Variants in MATN2 observed in about 807,000 individuals in gnomAD.
The protein encoded by MATN2 is matrilin 2.
In MATN2, 69 loss-of-function variants were observed where a neutral mutation model predicts 103.2. The ratio of observed to expected loss-of-function variants is 0.67; its 90% CI spans 0.55 to 0.82. The LOEUF is 0.82. MATN2 is among the 40% of genes least tolerant of loss of function. The probability of loss-of-function intolerance (pLI) is 0.00; values close to 1 mark genes in which losing one functional copy is unlikely to be tolerated. For synonymous variants in MATN2, 429 were observed against 450.2 expected, an observed-to-expected ratio of 0.95 and a Z score of 0.60; for missense variants, 1,023 against 1,211.5, an observed-to-expected ratio of 0.84 and a Z score of 2.31.
chr8:97,900,769 G>A (rs1818952489), intron 2 of MATN2, among the ~76,000 whole-genome samples: 1 of 152,084 alleles, frequency 6.6e-6, no homozygotes, highest in Non-Finnish European at 1.5e-5. Flanking sequence ...CTCCGTCTCT[G>A]CTAAAAATAC....
intron 6 of MATN2, 34 bp from the exon 7 acceptor site, chr8:97,994,446 G>A: frequency 6.3e-7 from 1 of 1,588,646 alleles, no homozygotes. Context: ...TTATTGATTG[G>A]TTTGCCATTC....
At chr8:97,972,447 ACT>A (rs929025726) in intron 5 of MATN2, among the ~76,000 whole-genome samples, 5 of 151,740 alleles carry the variant, frequency 3.3e-5, no homozygotes, top group African/African-American at 9.7e-5. Context: ...TGTGAGTCTG[ACT>A]CTGTGTGTGT....
rs139127473 is a variant in MATN2, at chr8:97,936,021, T to C, written c.712+4499T>C. Among the ~76,000 whole-genome samples, 27 of 152,274 alleles carry C rather than the reference T, an allele frequency of 1.8e-4. No individual in the cohort carries two copies. In the East Asian group the frequency reaches 4.2e-3, roughly 24 times the overall value. On this transcript the variant is annotated intron_variant, in intron 3 of 18. Transcript: ENST00000254898. ...CTTGAGCACAGTGGAGGCTTTATACTTGCAGGCAGGGACTTCCCATACCAG... is the reference window on the plus strand; with the variant it reads ...CTTGAGCACAGTGGAGGCTTTATACCTGCAGGCAGGGACTTCCCATACCAG...
intron 13 of MATN2, among the ~76,000 whole-genome samples, chr8:98,023,613 G>A (rs1300139739): frequency 6.6e-6 from 1 of 152,194 alleles, no homozygotes; most frequent in Non-Finnish European, 1.5e-5. Flanking sequence ...TGAGGCTACA[G>A]TGAGTTGTGA....
chr8:97,910,651 T>A (rs1398659738), intron 2 of MATN2, among the ~76,000 whole-genome samples: 1 of 152,242 alleles, frequency 6.6e-6, no homozygotes, highest in African/African-American at 2.4e-5. Context: ...GGTTGTACTC[T>A]TGTATAGTTG....
intron 7 of MATN2, among the ~76,000 whole-genome samples, chr8:98,002,388 C>T (rs1247394809): frequency 6.6e-6 from 1 of 152,224 alleles, no homozygotes; most frequent in Non-Finnish European, 1.5e-5. Context: ...CATGAAACTG[C>T]CAACCCCTGC....
At position 97,888,083 on chromosome 8, in the gene MATN2, C is replaced by T. The variant is rs1186307178; in HGVS notation, c.-18C>T. 1.2e-6 allele frequency: 2 copies of T among 1,607,290 alleles called. No homozygotes were observed. The highest frequency in any genetic ancestry group is 4.5e-5 in the East Asian group (2 of 44,324). Reference sequence around the variant, plus strand: ...TGTTGTGTTTGTCACAGCCTTGCCCCTCTTGCTCGCCTTGAAAATGGAAAA... The same window carrying T: ...TGTTGTGTTTGTCACAGCCTTGCCCTTCTTGCTCGCCTTGAAAATGGAAAA... On this transcript the variant is annotated 5_prime_UTR_variant, in exon 2 of 19. Coordinates refer to ENST00000254898, the MANE Select transcript of MATN2 (RefSeq NM_002380.5).
chr8:97,920,395 A>T (rs1209407336), intron 2 of MATN2, among the ~76,000 whole-genome samples: 2 of 151,926 alleles, frequency 1.3e-5, no homozygotes, highest in Non-Finnish European at 2.9e-5. Flanking sequence ...TTTAGTAGAG[A>T]TGGGGTTTTG....
intron 2 of MATN2, among the ~76,000 whole-genome samples, chr8:97,927,142 T>C (rs1198968980): frequency 6.6e-6 from 1 of 151,806 alleles, no homozygotes; most frequent in Non-Finnish European, 1.5e-5. Context: ...TTTTTGTTTT[T>C]GTTTTTGTTT....
intron 4 of MATN2, chr8:97,952,085 A>AG: frequency 1.3e-5 from 2 of 152,322 alleles, no homozygotes; most frequent in African/African-American, 4.8e-5. Context: ...GATGAAAGAG[A>AG]GGGCATGGTC....
intron 4 of MATN2, among the ~76,000 whole-genome samples, chr8:97,958,990 G>A (rs999983814): frequency 1.6e-4 from 24 of 152,200 alleles, no homozygotes; most frequent in African/African-American, 5.3e-4. Flanking sequence ...CAAGCCTGGA[G>A]TGCTGTTTCT....
At chr8:97,875,249 C>T (rs1818031136) in intron 1 of MATN2, among the ~76,000 whole-genome samples, 1 of 152,152 alleles carries the variant, frequency 6.6e-6, no homozygotes, top group Admixed American at 6.5e-5. Flanking sequence ...CTGCCTCATT[C>T]TTAATAACCA....
At chr8:97,884,890 T>C (rs977183103) in intron 1 of MATN2, among the ~76,000 whole-genome samples, 1 of 152,232 alleles carries the variant, frequency 6.6e-6, no homozygotes, top group Admixed American at 6.5e-5. Context: ...CGATTGATTC[T>C]ATATAACAAT....
intron 4 of MATN2, among the ~76,000 whole-genome samples, chr8:97,957,482 C>A (rs777245623): frequency 6.6e-6 from 1 of 152,182 alleles, no homozygotes; most frequent in Non-Finnish European, 1.5e-5. Flanking sequence ...CGGTACAAAT[C>A]GCTCGTGGCC....
At chr8:98,033,797 T>C (rs1475449716) in intron 18 of MATN2, 138 bp downstream of exon 18, 1 of 664,096 alleles carries the variant, frequency 1.5e-6, no homozygotes, top group Non-Finnish European at 2.5e-6. Context: ...AAAGGCTTTT[T>C]GCTTTAAAAA....
At chr8:97,900,567 C>T (rs535550545) in intron 2 of MATN2, among the ~76,000 whole-genome samples, 11 of 152,300 alleles carry the variant, frequency 7.2e-5, no homozygotes, top group Non-Finnish European at 1.3e-4. Flanking sequence ...TTTCCATCTC[C>T]GGCTCTTAAT....
At chr8:98,021,025 T>C in intron 12 of MATN2, 180 bp from the exon 13 acceptor site, 3 of 523,878 alleles carry the variant, frequency 5.7e-6, no homozygotes, top group Non-Finnish European at 1.0e-5. Flanking sequence ...GCTAGAGCTT[T>C]CTGAGAGGAG....
At chr8:97,916,834 A>C (rs1489018995) in intron 2 of MATN2, among the ~76,000 whole-genome samples, 1 of 152,240 alleles carries the variant, frequency 6.6e-6, no homozygotes, top group East Asian at 1.9e-4. Context: ...AAAATTGTCC[A>C]GGGTCTGGAA....
chr8:98,033,533 G>T, intron 17 of MATN2, 28 bp from the exon 18 acceptor site: 1 of 1,287,690 alleles, frequency 7.8e-7, no homozygotes, highest in Non-Finnish European at 1.1e-6. Flanking sequence ...GGATTCTAGA[G>T]GTGAACACTT....
Sources: gnomAD v4.1 joint callset for allele counts (sites outside exome capture counted in the v4.1 genomes callset) on GRCh38, gnomAD v4.1.1 for gene constraint, MANE v1.5 for transcripts, NCBI Gene and HGNC (gene_info 2026-07-23, HGNC 2026-07-21) for gene names.